Variants in PPME1 observed in about 807,000 individuals in gnomAD.
PPME1 encodes the protein protein phosphatase methylesterase 1.
A neutral mutation model predicts 56.9 loss-of-function variants in PPME1; 17 were observed. That is an observed-to-expected ratio of 0.30 (90% CI 0.20 to 0.45). The LOEUF (loss-of-function observed/expected upper bound fraction) is 0.45. Among genes scored for constraint, PPME1 ranks in the 20% least tolerant of loss-of-function variants. The probability of loss-of-function intolerance (pLI) is 1.00; values close to 1 mark genes in which losing one functional copy is unlikely to be tolerated. For synonymous variants in PPME1, 122 were observed against 156.2 expected (o/e 0.78, Z 1.63); for missense variants, 357 against 483.2 (o/e 0.74, Z 2.45).
chr11:74,217,253 T>A (rs1053680314), intron 3 of PPME1, among the ~76,000 whole-genome samples: 2 of 151,988 alleles, frequency 1.3e-5, no homozygotes, highest in African/African-American at 4.8e-5. Flanking sequence ...ATTACAAAGA[T>A]TATTCAGGCT....
At chr11:74,207,357 A>G (rs531246006) in intron 3 of PPME1, among the ~76,000 whole-genome samples, 62 of 152,308 alleles carry the variant, frequency 4.1e-4, no homozygotes, top group African/African-American at 1.4e-3. Flanking sequence ...ATCCAGATTC[A>G]CCAGAAGTTC....
chr11:74,191,305 A>G (rs1364405656), intron 1 of PPME1, among the ~76,000 whole-genome samples: 1 of 152,216 alleles, frequency 6.6e-6, no homozygotes, highest in Admixed American at 6.5e-5. Context: ...ATGCCACTGC[A>G]CTCTAGCCTG....
chr11:74,192,750 C>T (rs527427980), intron 1 of PPME1, among the ~76,000 whole-genome samples: 1 of 152,110 alleles, frequency 6.6e-6, no homozygotes, highest in Non-Finnish European at 1.5e-5. Flanking sequence ...CCTCCCCCTT[C>T]TCTTGCTTCT....
chr11:74,174,071 T>C (rs569321036), intron 1 of PPME1, among the ~76,000 whole-genome samples: 1 of 152,232 alleles, frequency 6.6e-6, no homozygotes, highest in Admixed American at 6.5e-5. Context: ...AGTAATAATA[T>C]AGATTCTCTT....
intron 7 of PPME1, 32 bp downstream of exon 7, chr11:74,231,034 ATTAAT>A: frequency 2.0e-6 from 3 of 1,496,716 alleles, no homozygotes; most frequent in South Asian, 1.2e-5. Flanking sequence ...CCTTTATTTA[ATTAAT>A]TTGTTTGTTT....
intron 1 of PPME1, among the ~76,000 whole-genome samples, chr11:74,178,715 C>A (rs1018564412): frequency 2.6e-5 from 4 of 152,118 alleles, no homozygotes; most frequent in Non-Finnish European, 5.9e-5. Context: ...TTCAGAACTT[C>A]TGAGTAAAAG....
chr11:74,234,798 T>A (rs1859151773), intron 7 of PPME1, among the ~76,000 whole-genome samples: 1 of 152,130 alleles, frequency 6.6e-6, no homozygotes, highest in Non-Finnish European at 1.5e-5. Context: ...ATTGGGAATG[T>A]TTTTAAAGGC....
At chr11:74,218,943 AAAC>A (rs1178793704) in intron 3 of PPME1, among the ~76,000 whole-genome samples, 1 of 152,184 alleles carries the variant, frequency 6.6e-6, no homozygotes, top group African/African-American at 2.4e-5. Flanking sequence ...CAAAGTGAAG[AAAC>A]AACCCACAGA....
At chr11:74,187,601 T>G (rs983302669) in intron 1 of PPME1, among the ~76,000 whole-genome samples, 6 of 152,252 alleles carry the variant, frequency 3.9e-5, no homozygotes, top group Non-Finnish European at 8.8e-5. Flanking sequence ...TCTGAAACCC[T>G]ACTGAAATTG....
intron 7 of PPME1, among the ~76,000 whole-genome samples, chr11:74,232,803 C>A (rs756498951): frequency 8.6e-5 from 13 of 151,840 alleles, no homozygotes; most frequent in Non-Finnish European, 1.8e-4. Context: ...CCTCAGCCAC[C>A]CAAGTAGCTG....
intron 1 of PPME1, among the ~76,000 whole-genome samples, chr11:74,201,433 C>T (rs894804369): frequency 2.0e-5 from 3 of 152,148 alleles, no homozygotes; most frequent in Non-Finnish European, 4.4e-5. Context: ...TATATTTAGA[C>T]TACAAAAAGA....
chr11:74,235,339 C>T (rs1859164388), intron 7 of PPME1, among the ~76,000 whole-genome samples: 1 of 152,052 alleles, frequency 6.6e-6, no homozygotes, highest in Non-Finnish European at 1.5e-5. Flanking sequence ...CCTTCCAATC[C>T]TATTCTGTCA....
At chr11:74,196,583 G>A (rs1216434451) in intron 1 of PPME1, among the ~76,000 whole-genome samples, 2 of 152,070 alleles carry the variant, frequency 1.3e-5, no homozygotes, top group Middle Eastern at 3.2e-3. Context: ...GAGGGTTCTT[G>A]GATCTCACTC....
intron 1 of PPME1, among the ~76,000 whole-genome samples, chr11:74,190,225 C>T (rs1184912135): frequency 3.9e-5 from 6 of 152,208 alleles, no homozygotes; most frequent in Non-Finnish European, 8.8e-5. Context: ...TTTGTCCCCT[C>T]CAAATCTTAC....
At position 74,239,468 on chromosome 11, in the gene PPME1, C is replaced by A. The variant is rs529511947; in HGVS notation, c.834+212C>A. On this transcript the variant is annotated intron_variant, in intron 9 of 13. Coordinates refer to ENST00000328257, the MANE Select transcript of PPME1 (RefSeq NM_016147.3). Reference sequence around the variant, plus strand: ...TGGAACATAAAACTTACGCTATATACCCTCCCCTAAAACAGACTGCTTTCT... The same window carrying A: ...TGGAACATAAAACTTACGCTATATAACCTCCCCTAAAACAGACTGCTTTCT... 3.9e-5 allele frequency among the ~76,000 whole-genome samples: 6 copies of A among 152,210 alleles called. No individual in the cohort carries two copies. In the South Asian group the frequency reaches 1.2e-3, roughly 32 times the overall value.
chr11:74,216,079 C>T (rs575571962), intron 3 of PPME1, among the ~76,000 whole-genome samples: 1 of 152,322 alleles, frequency 6.6e-6, no homozygotes, highest in African/African-American at 2.4e-5. Flanking sequence ...CAATACCCCA[C>T]TTTCAGTGTT....
chr11:74,219,577 T>A (rs570110923), intron 3 of PPME1, among the ~76,000 whole-genome samples: 3 of 152,178 alleles, frequency 2.0e-5, no homozygotes, highest in Admixed American at 2.0e-4. Context: ...AAGACTGAGA[T>A]CTCTGTCATT....
intron 11 of PPME1, chr11:74,249,829 T>C (rs891826763): frequency 1.3e-5 from 2 of 152,194 alleles, no homozygotes; most frequent in African/African-American, 4.8e-5. Context: ...TTAACAACTT[T>C]AGGAGCTAGA....
At chr11:74,225,107 T>TA in intron 4 of PPME1, 98 bp from the exon 5 acceptor site, 1 of 780,088 alleles carries the variant, frequency 1.3e-6, no homozygotes, top group Non-Finnish European at 2.0e-6. Context: ...GTGAAGTCCC[T>TA]AATCCATTGT....
Sources: gnomAD v4.1 joint callset for allele counts (sites outside exome capture counted in the v4.1 genomes callset) on GRCh38, gnomAD v4.1.1 for gene constraint, MANE v1.5 for transcripts, NCBI Gene and HGNC (gene_info 2026-07-23, HGNC 2026-07-21) for gene names.